Variants in ERC1 observed in about 807,000 individuals in gnomAD.
ERC1 encodes the protein RAB6 interacting protein 2.
Under a neutral mutation model 132.0 loss-of-function variants are expected in ERC1, and 56 were observed. That is an observed-to-expected ratio of 0.42 (90% CI 0.34 to 0.53). The LOEUF is 0.53. ERC1 is among the 20% of genes least tolerant of loss of function. The probability of loss-of-function intolerance (pLI) is 0.03; values close to 1 mark genes in which losing one functional copy is unlikely to be tolerated. For synonymous variants in ERC1, 478 were observed against 476.1 expected (o/e 1.00, Z -0.05); for missense variants, 1,202 against 1,349.9 (o/e 0.89, Z 1.72).
chr12:1,440,444 G>C (rs895204783), intron 17 of ERC1, among the ~76,000 whole-genome samples: 1 of 148,968 alleles, frequency 6.7e-6, no homozygotes, highest in Non-Finnish European at 1.5e-5. Context: ...CTGACCTCGT[G>C]ATCTGCCCTC....
At chr12:1,302,732 A>G (rs980777856) in intron 15 of ERC1, among the ~76,000 whole-genome samples, 14 of 151,922 alleles carry the variant, frequency 9.2e-5, no homozygotes, top group African/African-American at 2.9e-4. Context: ...CTTTGGGGCC[A>G]TGGAAGGTGG....
intron 2 of ERC1, among the ~76,000 whole-genome samples, chr12:1,076,286 C>T (rs1381230610): frequency 1.3e-5 from 2 of 151,884 alleles, no homozygotes; most frequent in South Asian, 2.1e-4. Context: ...TTGAATAAAC[C>T]TAGAGCATAT....
At chr12:1,053,095 A>G (rs968091292) in intron 2 of ERC1, among the ~76,000 whole-genome samples, 9 of 152,344 alleles carry the variant, frequency 5.9e-5, no homozygotes, top group Middle Eastern at 3.4e-3. Flanking sequence ...TGGGAGGGGA[A>G]GGGTAAACTG....
chr12:1,188,331 G>A (rs1263923489), intron 11 of ERC1, among the ~76,000 whole-genome samples: 1 of 151,980 alleles, frequency 6.6e-6, no homozygotes, highest in African/African-American at 2.4e-5. Context: ...TCCTGATCTT[G>A]GTACTCCTTA....
chr12:1,443,267 A>G (rs954637055), intron 17 of ERC1: 3 of 152,026 alleles, frequency 2.0e-5, no homozygotes, highest in South Asian at 2.1e-4. Flanking sequence ...TTTTTCCCCC[A>G]ATTTTTTGGA....
intron 15 of ERC1, among the ~76,000 whole-genome samples, chr12:1,352,227 AC>A (rs903331616): frequency 2.0e-5 from 3 of 152,256 alleles, no homozygotes; most frequent in Admixed American, 1.3e-4. Flanking sequence ...AAGATTGAGT[AC>A]CCATCCTAGT....
At chr12:1,290,558 C>T (rs554822393) in intron 15 of ERC1, among the ~76,000 whole-genome samples, 14 of 152,242 alleles carry the variant, frequency 9.2e-5, no homozygotes, top group Admixed American at 2.6e-4. Flanking sequence ...GTTGCTGAGA[C>T]CATAATCTGT....
At chr12:1,256,435 A>G (rs961320432) in intron 13 of ERC1, among the ~76,000 whole-genome samples, 2 of 138,504 alleles carry the variant, frequency 1.4e-5, no homozygotes. Flanking sequence ...AAAAAAAAAA[A>G]GTTGATTCCC....
At chr12:1,048,692 AT>A (rs869223867) in intron 2 of ERC1, among the ~76,000 whole-genome samples, 1 of 152,224 alleles carries the variant, frequency 6.6e-6, no homozygotes, top group Non-Finnish European at 1.5e-5. Context: ...TATTATAAAA[AT>A]TTTTTGGTGG....
At chr12:1,387,468 A>T (rs1353749689) in intron 16 of ERC1, among the ~76,000 whole-genome samples, 1 of 152,220 alleles carries the variant, frequency 6.6e-6, no homozygotes, top group Non-Finnish European at 1.5e-5. Flanking sequence ...AAATGAAACC[A>T]TATTTGGATA....
At chr12:1,039,276 G>A (rs1046178240) in intron 2 of ERC1, among the ~76,000 whole-genome samples, 5 of 150,850 alleles carry the variant, frequency 3.3e-5, no homozygotes, top group African/African-American at 4.9e-5. Context: ...GGCGGAGTTT[G>A]CAGTCAGCCG....
chr12:1,385,347 A>T lies in ERC1; in HGVS notation c.2925+13370A>T, dbSNP rs548748507. Among the ~76,000 whole-genome samples, 88 of 151,664 alleles carry T rather than the reference A, an allele frequency of 5.8e-4. 1 individual carries two copies. The highest frequency in any genetic ancestry group is 3.3e-3 in the Admixed American group (50 of 15,248). ...GCCCAGGCTGGAGTGCAGTGGTGTG[A>T]TCACGGCTCACTGCAAGCTCCGCCT... On this transcript the variant is annotated intron_variant, in intron 16 of 18. Coordinates refer to ENST00000360905, the MANE Select transcript of ERC1 (RefSeq NM_178040.4).
At chr12:1,007,540 C>CTCTCTCTGTGTGTGTG (rs1555194875) in intron 1 of ERC1, among the ~76,000 whole-genome samples, 176 of 122,780 alleles carry the variant, frequency 1.4e-3, no homozygotes, top group African/African-American at 2.0e-3. Context: ...CTCTCTCTCT[C>CTCTCTCTGTGTGTGTG]TGTGTGTGTG....
chr12:1,217,717 T>G (rs550690482), intron 12 of ERC1, among the ~76,000 whole-genome samples: 19 of 152,322 alleles, frequency 1.2e-4, no homozygotes, highest in African/African-American at 3.6e-4. Flanking sequence ...TACTACTTTT[T>G]TTTGTTTGTT....
intron 17 of ERC1, among the ~76,000 whole-genome samples, chr12:1,433,462 G>A (rs963169529): frequency 2.0e-5 from 3 of 152,134 alleles, no homozygotes; most frequent in Non-Finnish European, 4.4e-5. Context: ...TAATGAAGTC[G>A]GGGAGCTGAA....
chr12:1,274,480 T>TTTATTTTATTTATTTATTTA (rs1555340355), intron 14 of ERC1, among the ~76,000 whole-genome samples: 208 of 150,222 alleles, frequency 1.4e-3, no homozygotes, highest in African/African-American at 4.9e-3. Flanking sequence ...TTTTATTTTA[T>TTTATTTTATTTATTTATTTA]TTTATTTATT....
intron 12 of ERC1, among the ~76,000 whole-genome samples, chr12:1,207,785 G>C (rs991867434): frequency 1.3e-5 from 2 of 152,144 alleles, no homozygotes; most frequent in African/African-American, 4.8e-5. Context: ...TAAATCAGCT[G>C]AAGATGGCAA....
chr12:1,004,020 CT>C (rs903007709), intron 1 of ERC1, among the ~76,000 whole-genome samples: 3 of 152,134 alleles, frequency 2.0e-5, no homozygotes, highest in African/African-American at 7.2e-5. Context: ...CCATGAGAAA[CT>C]GTCTCATGGC....
rs145147502 is a variant in ERC1, at chr12:1,246,780, A to G, written c.2487+9876A>G. Among the ~76,000 whole-genome samples the G allele has an allele frequency of 4.6e-3, 696 of 152,338 alleles. 1 individual carries two copies. The highest frequency in any genetic ancestry group is 7.2e-3 in the Non-Finnish European group (488 of 68,022). ...ATTCTTTCCAAAAATGTGTAGCCTC[A>G]TTCCAGTAATGAGAAAATGCCAGAC... On this transcript the variant is annotated intron_variant, in intron 13 of 18. Coordinates refer to ENST00000360905, the MANE Select transcript of ERC1 (RefSeq NM_178040.4).
Sources: allele counts gnomAD v4.1 joint callset (sites outside exome capture counted in the v4.1 genomes callset), GRCh38; gene constraint gnomAD v4.1.1; transcripts MANE v1.5; gene names NCBI Gene and HGNC (gene_info 2026-07-23, HGNC 2026-07-21).